SETBP1: variants seen among roughly 807,000 people sequenced by gnomAD.
SETBP1 encodes the protein SET binding protein 1, also known as SET-binding protein.
A neutral mutation model predicts 101.0 loss-of-function variants in SETBP1; 9 were observed. That is an observed-to-expected ratio of 0.09 (90% CI 0.05 to 0.16). The LOEUF is 0.16. Ranked by LOEUF, SETBP1 falls within the 10% of genes least tolerant of loss-of-function variation. SETBP1 has a pLI of 1.00. For missense variants in SETBP1, 1,858 were observed against 2,033.8 expected (o/e 0.91, Z 1.66); for synonymous variants, 818 against 788.5 (o/e 1.04, Z -0.63).
intron 3 of SETBP1, among the ~76,000 whole-genome samples, chr18:44,921,611 T>A (rs980910842): frequency 3.3e-5 from 5 of 152,204 alleles, no homozygotes; most frequent in African/African-American, 1.2e-4. Context: ...TTTTTTTTTA[T>A]CATCATAGTC....
At chr18:44,903,808 A>C (rs980354905) in intron 3 of SETBP1, among the ~76,000 whole-genome samples, 2 of 152,230 alleles carry the variant, frequency 1.3e-5, no homozygotes, top group African/African-American at 4.8e-5. Context: ...GTGCTCAGTA[A>C]ATACCACAGT....
At chr18:44,944,493 G>A (rs949885184) in intron 3 of SETBP1, among the ~76,000 whole-genome samples, 23 of 152,156 alleles carry the variant, frequency 1.5e-4, no homozygotes, top group Non-Finnish European at 3.4e-4. Flanking sequence ...CTCTCCCTGA[G>A]AGATTGTGAG....
At chr18:44,980,459 C>A (rs747190879) in intron 4 of SETBP1, among the ~76,000 whole-genome samples, 2 of 151,544 alleles carry the variant, frequency 1.3e-5, no homozygotes, top group African/African-American at 4.9e-5. Context: ...CAAGTAGTTT[C>A]TCTGATTCGC....
chr18:44,854,472 A>G (rs533317364), intron 2 of SETBP1, among the ~76,000 whole-genome samples: 5 of 152,248 alleles, frequency 3.3e-5, no homozygotes, highest in South Asian at 2.1e-4. Flanking sequence ...AAGACAAGCT[A>G]TGCATCAGCC....
intron 2 of SETBP1, among the ~76,000 whole-genome samples, chr18:44,738,656 G>C (rs2070029356): frequency 6.6e-6 from 1 of 151,618 alleles, no homozygotes; most frequent in African/African-American, 2.4e-5. Context: ...TGCCTGGAAT[G>C]CCAGCTCCTC....
intron 4 of SETBP1, among the ~76,000 whole-genome samples, chr18:45,015,101 T>G (rs1467985018): frequency 6.6e-6 from 1 of 152,174 alleles, no homozygotes; most frequent in Non-Finnish European, 1.5e-5. Flanking sequence ...CAACTTGCCC[T>G]AGATTTTTCG....
intron 3 of SETBP1, among the ~76,000 whole-genome samples, chr18:44,929,458 C>A (rs2070777331): frequency 6.6e-6 from 1 of 152,018 alleles, no homozygotes; most frequent in African/African-American, 2.4e-5. Flanking sequence ...GTAGTTTTTT[C>A]CAATTCTGTG....
At chr18:45,057,101 G>A (rs1208974223) in intron 5 of SETBP1, among the ~76,000 whole-genome samples, 1 of 152,080 alleles carries the variant, frequency 6.6e-6, no homozygotes, top group East Asian at 1.9e-4. Context: ...CTAAATTACT[G>A]CTTTAAACTT....
At chr18:44,789,873 A>G (rs912716600) in intron 2 of SETBP1, among the ~76,000 whole-genome samples, 1 of 152,122 alleles carries the variant, frequency 6.6e-6, no homozygotes, top group African/African-American at 2.4e-5. Flanking sequence ...ACTTTTCCAC[A>G]CTGATTCCTC....
chr18:45,034,535 A>T (rs8089231), intron 4 of SETBP1, among the ~76,000 whole-genome samples: 118,308 of 150,604 alleles, frequency 0.79, 46,559 homozygotes, highest in Middle Eastern at 0.85. Context: ...AGACTTTTTT[A>T]AAAAAAAAAA....
At chr18:44,926,539 G>A (rs1261584224) in intron 3 of SETBP1, among the ~76,000 whole-genome samples, 1 of 152,096 alleles carries the variant, frequency 6.6e-6, no homozygotes, top group African/African-American at 2.4e-5. Context: ...TCTCTTCTTG[G>A]ATTCAGGGAA....
Position 45,063,411 on chromosome 18 carries a change from C to A in SETBP1, c.4504C>A (p.Gln1502Lys). The change falls in exon 6 of 6, where the codon CAA (glutamine) becomes AAA (lysine). Residue 1502 changes from glutamine to lysine, a missense_variant. By Grantham distance (53) the Gln-to-Lys change is moderately conservative. Around this residue, in one of 12 missense-constraint regions of SETBP1, gnomAD observed 178 missense variants for 189.1 expected, o/e 0.94. Coordinates refer to ENST00000649279, the MANE Select transcript of SETBP1 (RefSeq NM_015559.3). Reference sequence around the variant, plus strand: ...GCTGGTGCTGGAGCCCGCCGCCAGCCAAGACACCATCATGGCCACCATCGA... The same window carrying A: ...GCTGGTGCTGGAGCCCGCCGCCAGCAAAGACACCATCATGGCCACCATCGA... ...SPLVLEPAAS[Q>K]DTIMATIEAV... is the part of the protein sequence containing the mutation. The A allele has an allele frequency of 6.5e-7, 1 of 1,532,194 alleles. No individual in the cohort carries two copies. The highest frequency in any genetic ancestry group is 8.8e-7 in the Non-Finnish European group (1 of 1,138,682). The allele number at this position is 1,532,194 out of a possible 1,614,324, so 94.9% of individuals were successfully genotyped here.
chr18:44,950,317 C>T lies in SETBP1; in HGVS notation c.977C>T (p.Pro326Leu). The change falls in exon 4 of 6, where the codon CCA becomes CTA. Residue 326 changes from proline (P) to leucine (L), a missense_variant. Pro to Leu is a moderately conservative substitution (Grantham distance 98). Transcript: ENST00000649279. ...GATGGAGGAGGTACAAAGGAGCCCCCAGAACCACCTACGGTGGGCAGCAAG... is the reference window on the plus strand; with the variant it reads ...GATGGAGGAGGTACAAAGGAGCCCCTAGAACCACCTACGGTGGGCAGCAAG... ...DQDGGGTKEP[P>L]EPPTVGSKKK... 1.2e-6 allele frequency: 2 copies of T among 1,614,038 alleles called. No homozygotes were observed. The highest frequency in any genetic ancestry group is 1.7e-6 in the Non-Finnish European group (2 of 1,180,044).
chr18:44,823,693 G>C (rs1192069619), intron 2 of SETBP1, among the ~76,000 whole-genome samples: 6 of 152,162 alleles, frequency 3.9e-5, no homozygotes, highest in Non-Finnish European at 8.8e-5. Flanking sequence ...TAAAGAAATA[G>C]AAATAATCTT....
chr18:44,947,551 G>A (rs1195960957), intron 3 of SETBP1, among the ~76,000 whole-genome samples: 2 of 144,446 alleles, frequency 1.4e-5, no homozygotes, highest in African/African-American at 5.2e-5. Context: ...CAGGTGCCCA[G>A]GCTTGAGTGC....
At chr18:45,054,769 G>A (rs772330629) in intron 5 of SETBP1, among the ~76,000 whole-genome samples, 2 of 152,142 alleles carry the variant, frequency 1.3e-5, no homozygotes, top group African/African-American at 2.4e-5. Context: ...AGTCGCCACT[G>A]TCATTATCTG....
chr18:44,820,680 G>A (rs146485005), intron 2 of SETBP1, among the ~76,000 whole-genome samples: 37 of 152,248 alleles, frequency 2.4e-4, no homozygotes, highest in African/African-American at 7.9e-4. Flanking sequence ...TCACTTCCTG[G>A]GAATGCAGGG....
At chr18:44,809,702 A>G (rs983591134) in intron 2 of SETBP1, among the ~76,000 whole-genome samples, 3 of 152,058 alleles carry the variant, frequency 2.0e-5, no homozygotes, top group African/African-American at 7.2e-5. Context: ...AGGGTTGGGG[A>G]AGGAGGTGAG....
At chr18:44,843,675 T>A (rs931176180) in intron 2 of SETBP1, among the ~76,000 whole-genome samples, 3 of 151,986 alleles carry the variant, frequency 2.0e-5, no homozygotes, top group Admixed American at 6.5e-5. Context: ...GCCTCTCCAG[T>A]CAAAGGGGCC....
Sources: gnomAD v4.1 joint callset for allele counts (sites outside exome capture counted in the v4.1 genomes callset) on GRCh38, gnomAD v4.1.1 for gene constraint, gnomAD v4.1.1 regional missense constraint, MANE v1.5 for transcripts, NCBI Gene and HGNC (gene_info 2026-07-23, HGNC 2026-07-21) for gene names.